The following LIMCH1 variants were observed in gnomAD, a reference collection of about 807,000 sequenced individuals.
The protein encoded by LIMCH1 is LIM and calponin homology domains-containing protein 1.
Under a neutral mutation model 176.5 loss-of-function variants are expected in LIMCH1, and 113 were observed. That is an observed-to-expected ratio of 0.64 (90% confidence interval 0.55 to 0.75). The LOEUF is 0.75. Among genes scored for constraint, LIMCH1 ranks in the 30% least tolerant of loss-of-function variants. The probability of loss-of-function intolerance (pLI) is 0.00; values close to 1 mark genes in which losing one functional copy is unlikely to be tolerated. For synonymous variants in LIMCH1, 619 were observed against 645.9 expected (o/e 0.96, Z 0.63); for missense variants, 1,674 against 1,814.9 (o/e 0.92, Z 1.41).
intron 22 of LIMCH1, among the ~76,000 whole-genome samples, chr4:41,675,050 G>A (rs969793359): frequency 6.6e-6 from 1 of 152,144 alleles, no homozygotes; most frequent in Non-Finnish European, 1.5e-5. Context: ...GGCCCACTTG[G>A]GTTTGACTAT....
At chr4:41,662,409 C>G (rs918725697) in intron 19 of LIMCH1, among the ~76,000 whole-genome samples, 5 of 152,078 alleles carry the variant, frequency 3.3e-5, no homozygotes, top group Non-Finnish European at 5.9e-5. Context: ...TAAAATGGAG[C>G]ATTGAAATAC....
intron 17 of LIMCH1, among the ~76,000 whole-genome samples, chr4:41,649,500 G>C (rs1053414375): frequency 1.3e-5 from 2 of 152,178 alleles, no homozygotes; most frequent in African/African-American, 4.8e-5. Flanking sequence ...CTGTACATTT[G>C]ATAATCCATA....
At chr4:41,385,058 G>T (rs1370269141) in intron 1 of LIMCH1, among the ~76,000 whole-genome samples, 1 of 152,182 alleles carries the variant, frequency 6.6e-6, no homozygotes, top group Admixed American at 6.5e-5. Flanking sequence ...TAATTTTTCA[G>T]TGTATTTAAC....
intron 21 of LIMCH1, among the ~76,000 whole-genome samples, chr4:41,668,700 AGTTT>A (rs1426579598): frequency 1.3e-5 from 2 of 152,200 alleles, no homozygotes; most frequent in Non-Finnish European, 2.9e-5. Flanking sequence ...TACTTGTATT[AGTTT>A]GTTTTCATGC....
rs545840702 is a variant in LIMCH1, at chr4:41,632,780, A to G, written c.1633A>G (p.Arg545Gly). Residue 545 changes from arginine to glycine, a missense_variant, in exon 11 of 32, where the codon AGA becomes GGA. By Grantham distance (125) the Arg-to-Gly change is moderately radical. Transcript: ENST00000503057. ...GAATTGTGGCCGAGGTGACTATTGC[A>G]GAAGGGCCTCGTGGCTGGCTCCTGT... ...TMNCGRGDYC[R>G]RASWLAPVPE... The G allele has an allele frequency of 3.3e-6, 5 of 1,536,296 alleles. No individual in the cohort carries two copies. The East Asian group carries it at 1.2e-4, about 38-fold the overall frequency.
At chr4:41,639,354 A>G (rs982455132) in intron 14 of LIMCH1, among the ~76,000 whole-genome samples, 3 of 152,244 alleles carry the variant, frequency 2.0e-5, no homozygotes, top group South Asian at 2.1e-4. Flanking sequence ...TGAGGTAGTC[A>G]TTCCCATAGT....
intron 1 of LIMCH1, among the ~76,000 whole-genome samples, chr4:41,366,829 A>G (rs1374536414): frequency 6.6e-6 from 1 of 152,230 alleles, no homozygotes; most frequent in Non-Finnish European, 1.5e-5. Flanking sequence ...TCTAACCCTG[A>G]TGGGATGTGT....
intron 21 of LIMCH1, 23 bp from the exon 22 acceptor site, chr4:41,671,531 T>G: frequency 6.3e-7 from 1 of 1,596,246 alleles, no homozygotes; most frequent in Non-Finnish European, 8.6e-7. Context: ...TATCTTTTTT[T>G]TCTTTCTTTT....
intron 1 of LIMCH1, among the ~76,000 whole-genome samples, chr4:41,554,153 A>T (rs1216835034): frequency 2.0e-5 from 3 of 152,204 alleles, no homozygotes; most frequent in Non-Finnish European, 4.4e-5. Context: ...AAGGAAAAGG[A>T]ACTATTTTGC....
chr4:41,560,984 T>C (rs1218843143), intron 1 of LIMCH1, among the ~76,000 whole-genome samples: 1 of 147,358 alleles, frequency 6.8e-6, no homozygotes, highest in Non-Finnish European at 1.5e-5. Context: ...AGCACTGCAC[T>C]CCAGCCTGGG....
intron 3 of LIMCH1, among the ~76,000 whole-genome samples, chr4:41,532,337 C>A (rs1350471399): frequency 2.0e-5 from 3 of 152,120 alleles, no homozygotes; most frequent in African/African-American, 7.2e-5. Context: ...ATGTACAGGT[C>A]ATCTCGTGTC....
rs146023656 is a variant in LIMCH1 at position 41,548,640 on chromosome 4, A to G, written c.-241+10290A>G. 7.1e-3 allele frequency among the ~76,000 whole-genome samples: 1,086 copies of G among 152,338 alleles called. 8 individuals are homozygous for G. Among genetic ancestry groups the G allele is most frequent in the African/African-American group, 0.023 (938 of 41,570 alleles). The stretch of plus-strand genomic sequence containing the variant: ...CTTGGCCAGTTTCACCAAAAATTAA[A>G]TCCTGATGCCTTCCAGATATATGTT... On this transcript the variant is annotated intron_variant, in intron 1 of 31. Coordinates refer to ENST00000503057, the MANE Select transcript of LIMCH1 (RefSeq NM_001330672.2).
At position 41,620,633 on chromosome 4, in the gene LIMCH1, G is replaced by A. The variant is rs961458537; in HGVS notation, c.668G>A (p.Arg223His). ...AAAGATGCTGCTGAGATCCAAAAGC[G>A]CAAAAGGCTAGAGCAAGCTGGAATC... ...EEKDAAEIQKRKRLEQAGIKV... is the reference protein window; with the variant it reads ...EEKDAAEIQKHKRLEQAGIKV... The change falls in exon 7 of 32, where the codon CGC (arginine) becomes CAC (histidine). Residue 223 changes from arginine (R) to histidine (H), a missense_variant. Physicochemically the swap from Arg to His is conservative, Grantham distance 29. This residue lies in a region of LIMCH1 where 655 missense variants were observed against 692.2 expected (regional missense o/e 0.95). Coordinates refer to ENST00000503057, the MANE Select transcript of LIMCH1 (RefSeq NM_001330672.2). 4.6e-6 allele frequency: 7 copies of A among 1,536,054 alleles called. No homozygotes were observed. The highest frequency in any genetic ancestry group is 1.4e-5 in the African/African-American group (1 of 73,054).
Position 41,638,935 on chromosome 4 carries a change from C to T in LIMCH1, c.2094C>T (p.Tyr698=), listed in dbSNP as rs143603745. The T allele has an allele frequency of 1.2e-3, 1,888 of 1,604,566 alleles. 13 individuals are homozygous for T. The highest frequency in any genetic ancestry group is 8.8e-4 in the Non-Finnish European group (1,030 of 1,176,640). Residue 698 remains tyrosine, a synonymous_variant, in exon 14 of 32, where the codon TAC becomes TAT. Coordinates refer to ENST00000503057, the MANE Select transcript of LIMCH1 (RefSeq NM_001330672.2). ...SKGLPMKDQR[Y]GPRTPVSDDA... ...AATTTTTTATTTGATCTTATAGATA[C>T]GGTCCGAGAACTCCTGTGTCTGATG...
At chr4:41,378,617 T>C (rs1028992848) in intron 1 of LIMCH1, among the ~76,000 whole-genome samples, 3 of 152,106 alleles carry the variant, frequency 2.0e-5, no homozygotes, top group African/African-American at 7.2e-5. Flanking sequence ...ATGATTACGA[T>C]GGCCAGCATG....
chr4:41,574,630 G>A (rs1267961208), intron 1 of LIMCH1, among the ~76,000 whole-genome samples: 1 of 152,102 alleles, frequency 6.6e-6, no homozygotes, highest in Admixed American at 6.6e-5. Context: ...TGGGAGACAA[G>A]CACAGGCTAC....
At chr4:41,444,982 A>G (rs994932472) in intron 1 of LIMCH1, among the ~76,000 whole-genome samples, 2 of 151,328 alleles carry the variant, frequency 1.3e-5, no homozygotes, top group African/African-American at 2.4e-5. Flanking sequence ...GTGCTTTTGT[A>G]GGCACATGAA....
At chr4:41,507,186 TC>T (rs1487774864) in intron 2 of LIMCH1, among the ~76,000 whole-genome samples, 1 of 152,196 alleles carries the variant, frequency 6.6e-6, no homozygotes, top group African/African-American at 2.4e-5. Flanking sequence ...TTCATCCCTT[TC>T]TTGTTGGTCC....
chr4:41,676,328 C>G (rs1374940443), intron 22 of LIMCH1, 54 bp from the exon 23 acceptor site: 1 of 1,446,556 alleles, frequency 6.9e-7, no homozygotes, highest in Non-Finnish European at 9.7e-7. Flanking sequence ...TTCACCCGGC[C>G]TGTCCCTTGA....
Sources: allele counts gnomAD v4.1 joint callset (sites outside exome capture counted in the v4.1 genomes callset), GRCh38; gene constraint gnomAD v4.1.1; regional missense constraint gnomAD v4.1.1; transcripts MANE v1.5; gene names NCBI Gene and HGNC (gene_info 2026-07-23, HGNC 2026-07-21).